The following TAX1BP3 variants were observed in gnomAD, a reference collection of about 807,000 sequenced individuals.
The protein encoded by TAX1BP3 is tax1-binding protein 3.
TAX1BP3 carries 13 observed loss-of-function variants against 15.3 expected under a neutral mutation model. The observed-to-expected ratio is 0.85, with a 90% CI of 0.55 to 1.35. The LOEUF (loss-of-function observed/expected upper bound fraction) is 1.35. Ranked by LOEUF, TAX1BP3 falls within the 40% of genes most tolerant of loss-of-function variation. The pLI is 0.00. For synonymous variants in TAX1BP3, 70 were observed against 66.0 expected (o/e 1.06, Z -0.30); for missense variants, 147 against 169.6 (o/e 0.87, Z 0.74).
At chr17:3,667,459 G>C (rs1422118926) in intron 1 of TAX1BP3, among the ~76,000 whole-genome samples, 1 of 151,884 alleles carries the variant, frequency 6.6e-6, no homozygotes, top group Non-Finnish European at 1.5e-5. Flanking sequence ...TCTAAGCTCA[G>C]CCTCACTTGT....
intron 2 of TAX1BP3, 39 bp from the exon 3 acceptor site, chr17:3,664,311 G>C: frequency 6.2e-7 from 1 of 1,611,326 alleles, no homozygotes; most frequent in Non-Finnish European, 8.5e-7. Context: ...TGTGGTCACT[G>C]GACTGGCCCC....
intron 1 of TAX1BP3, among the ~76,000 whole-genome samples, chr17:3,666,037 A>T (rs1293216032): frequency 6.6e-6 from 1 of 152,240 alleles, no homozygotes; most frequent in Non-Finnish European, 1.5e-5. Flanking sequence ...ATGGTCCCCA[A>T]CTGTGCCAGG....
intron 2 of TAX1BP3, 121 bp downstream of exon 2, chr17:3,664,557 TC>T: frequency 7.1e-7 from 1 of 1,404,566 alleles, no homozygotes; most frequent in African/African-American, 1.4e-5. Flanking sequence ...TCCGATGCCT[TC>T]TTAGAGAGCA....
At chr17:3,664,371 C>G in intron 2 of TAX1BP3, 99 bp from the exon 3 acceptor site, 2 of 1,393,016 alleles carry the variant, frequency 1.4e-6, no homozygotes, top group Non-Finnish European at 2.0e-6. Context: ...GTCCCTCTGT[C>G]CCTGCACCCA....
chr17:3,668,527 C>A lies in TAX1BP3; in HGVS notation c.-1G>T. The A allele has an allele frequency of 6.2e-7, 1 of 1,605,564 alleles. No individual in the cohort carries two copies. The highest frequency in any genetic ancestry group is 1.1e-5 in the South Asian group (1 of 89,820). On this transcript the variant is annotated 5_prime_UTR_variant, in exon 1 of 4. Coordinates refer to ENST00000225525, the MANE Select transcript of TAX1BP3 (RefSeq NM_014604.4). This position sits in a 1 kb window ranked among gnomAD's most constrained non-coding sequence, Gnocchi z 4.1. Reference sequence around the variant, plus strand: ...CCGGCTGGCCCGGGATGTAGGACATCTCGACCCTGCTCTGGTCGCCCAGCG... The same window carrying A: ...CCGGCTGGCCCGGGATGTAGGACATATCGACCCTGCTCTGGTCGCCCAGCG...
intron 1 of TAX1BP3, chr17:3,665,815 C>A: frequency 1.6e-6 from 1 of 627,300 alleles, no homozygotes; most frequent in South Asian, 1.9e-5. Flanking sequence ...CACAGGGTGC[C>A]GTGGATACGT....
At chr17:3,666,490 G>A (rs994628544) in intron 1 of TAX1BP3, among the ~76,000 whole-genome samples, 2 of 152,194 alleles carry the variant, frequency 1.3e-5, no homozygotes, top group Admixed American at 1.3e-4. Context: ...TTATTCAGAT[G>A]GGGACCCAGG....
At chr17:3,666,938 T>C (rs2076345576) in intron 1 of TAX1BP3, among the ~76,000 whole-genome samples, 1 of 152,194 alleles carries the variant, frequency 6.6e-6, no homozygotes, top group Non-Finnish European at 1.5e-5. Context: ...ACTGATTTGC[T>C]GGGTGAGGTC....
intron 1 of TAX1BP3, among the ~76,000 whole-genome samples, chr17:3,667,579 T>G (rs1436729914): frequency 3.3e-5 from 5 of 152,200 alleles, no homozygotes; most frequent in African/African-American, 1.2e-4. Flanking sequence ...GCGGGGACTT[T>G]CGCTTGACCT....
In TAX1BP3 at chr17:3,663,775, C is replaced by T. The variant is rs2076307976; in HGVS notation, c.348G>A (p.Lys116=). 6.2e-7 allele frequency: 1 copy of T among 1,605,396 alleles called. No individual in the cohort carries two copies. The highest frequency in any genetic ancestry group is 2.2e-5 in the East Asian group (1 of 44,836). ...RLLVTRQSLQ[K]AVQQSMLS is the part of the protein sequence containing the mutation. ...AGGACAGCATGGACTGCTGCACGGCCTTCTGCAGCGACTGCCGCGTCACCA... is the reference window on the plus strand; with the variant it reads ...AGGACAGCATGGACTGCTGCACGGCTTTCTGCAGCGACTGCCGCGTCACCA... The change falls in exon 4 of 4, where the codon AAG becomes AAA. Residue 116 remains lysine (K), a synonymous_variant. Transcript: ENST00000225525.
chr17:3,668,459 CGAG>C lies in TAX1BP3; in HGVS notation c.39+26_39+28del. 1 of 1,606,454 alleles carries C rather than the reference CGAG, an allele frequency of 6.2e-7. No homozygotes were observed. Among genetic ancestry groups the C allele is most frequent in the Non-Finnish European group, 8.5e-7 (1 of 1,177,206 alleles). On this transcript the variant is annotated intron_variant, in intron 1 of 3. Coordinates refer to ENST00000225525, the MANE Select transcript of TAX1BP3 (RefSeq NM_014604.4). The surrounding 1 kb of genome is among the most constrained non-coding windows in gnomAD (Gnocchi z 4.1). ...TCTGCGAGGTGGGGTCAGGCCAAGACGAGGAGGAGCCCGCGCAAGCGCACTCAC... is the reference window on the plus strand; with the variant it reads ...TCTGCGAGGTGGGGTCAGGCCAAGACGAGGAGCCCGCGCAAGCGCACTCAC...
In TAX1BP3 at chr17:3,668,389, CG is replaced by C. The variant is rs539902272; in HGVS notation, c.39+98del. The C allele has an allele frequency of 4.2e-5, 62 of 1,461,518 alleles. No individual in the cohort carries two copies. In the South Asian group the frequency reaches 7.7e-4, roughly 18 times the overall value. 90.5% of individuals were successfully genotyped at this position (1,461,518 alleles called of 1,614,324 possible). On this transcript the variant is annotated intron_variant, in intron 1 of 3. Coordinates refer to ENST00000225525, the MANE Select transcript of TAX1BP3 (RefSeq NM_014604.4). The surrounding 1 kb of genome is among the most constrained non-coding windows in gnomAD (Gnocchi z 4.1). Reference sequence around the variant, plus strand: ...CCTTGCCGCCGGTTCGCAGGAGCCCCGGGTTCGATGCTCTGTCAACCTGCTT... The same window carrying C: ...CCTTGCCGCCGGTTCGCAGGAGCCCCGGTTCGATGCTCTGTCAACCTGCTT...
rs946489181 is a variant in TAX1BP3 at position 3,663,434 on chromosome 17, G to A, written c.*314C>T. 3 of 284,532 alleles carry A rather than the reference G, an allele frequency of 1.1e-5. No homozygotes were observed. The highest frequency in any genetic ancestry group is 6.5e-5 in the African/African-American group (3 of 46,108). 17.6% of individuals were successfully genotyped at this position (284,532 alleles called of 1,614,324 possible). ...CTTTTGGGGGCTCCCAAGAGATAGTGGTTCCCACTTGCCCAGCCACTGCTG... is the reference window on the plus strand; with the variant it reads ...CTTTTGGGGGCTCCCAAGAGATAGTAGTTCCCACTTGCCCAGCCACTGCTG... On this transcript the variant is annotated 3_prime_UTR_variant, in exon 4 of 4. Transcript: ENST00000225525.
chr17:3,667,793 A>G (rs1286128648), intron 1 of TAX1BP3, among the ~76,000 whole-genome samples: 1 of 152,174 alleles, frequency 6.6e-6, no homozygotes, highest in African/African-American at 2.4e-5. Flanking sequence ...TGCCTAGTCT[A>G]ATAGCACCCA....
At chr17:3,666,368 A>G (rs1178329479) in intron 1 of TAX1BP3, among the ~76,000 whole-genome samples, 1 of 152,190 alleles carries the variant, frequency 6.6e-6, no homozygotes, top group African/African-American at 2.4e-5. Context: ...CAAGGTGCAG[A>G]GGCCGGGGGA....
intron 2 of TAX1BP3, 91 bp from the exon 3 acceptor site, chr17:3,664,363 C>T (rs1400811018): frequency 6.9e-6 from 10 of 1,440,654 alleles, no homozygotes; most frequent in Middle Eastern, 3.5e-4. Context: ...TCTCAGCCGT[C>T]CCTCTGTCCC....
intron 1 of TAX1BP3, among the ~76,000 whole-genome samples, chr17:3,667,400 G>C (rs952951251): frequency 4.0e-5 from 6 of 150,198 alleles, no homozygotes; most frequent in Non-Finnish European, 7.4e-5. Context: ...TAGGACAGCT[G>C]TCAGCTGGTC....
chr17:3,665,714 C>A (rs377486455), intron 1 of TAX1BP3: 1,662 of 538,906 alleles, frequency 3.1e-3, no homozygotes, highest in South Asian at 6.6e-3. Context: ...AGGTGTTAAA[C>A]AAAAAAAAAT....
rs1244065044 is a variant in TAX1BP3 at position 3,664,201 on chromosome 17, G to A, written c.231C>T (p.Ile77=). Reference sequence around the variant, plus strand: ...CCTTTGGGACACCTGTTACCTGCATGATCTTGTCTCCAATCTGCAGCCCAG... The same window carrying A: ...CCTTTGGGACACCTGTTACCTGCATAATCTTGTCTCCAATCTGCAGCCCAG... ...EIAGLQIGDK[I]MQVNGWDMTM... is the part of the protein sequence containing the mutation. The change falls in exon 3 of 4, where the codon ATC becomes ATT. Residue 77 remains isoleucine (I), a synonymous_variant. Transcript: ENST00000225525. The A allele has an allele frequency of 6.2e-7, 1 of 1,614,116 alleles. No individual in the cohort carries two copies. Among genetic ancestry groups the A allele is most frequent in the East Asian group, 2.2e-5 (1 of 44,888 alleles).
Sources: gnomAD v4.1 joint callset for allele counts (sites outside exome capture counted in the v4.1 genomes callset) on GRCh38, gnomAD v4.1.1 for gene constraint, Gnocchi (gnomAD v3.1) non-coding constraint, MANE v1.5 for transcripts, NCBI Gene and HGNC (gene_info 2026-07-23, HGNC 2026-07-21) for gene names.